Variants in XKR6 observed in about 807,000 individuals in gnomAD.
XKR6 encodes the protein XK related 6.
Under a neutral mutation model 56.7 loss-of-function variants are expected in XKR6, and 22 were observed. The ratio of observed to expected loss-of-function variants is 0.39; its 90% CI spans 0.28 to 0.55. The LOEUF is 0.55. Among genes scored for constraint, XKR6 ranks in the 20% least tolerant of loss-of-function variants. XKR6 has a pLI of 0.66. For synonymous variants in XKR6, 524 were observed against 387.8 expected (o/e 1.35, Z -4.13); for missense variants, 852 against 889.0 (o/e 0.96, Z 0.53).
chr8:11,140,610 C>G (rs1184698713), intron 1 of XKR6, among the ~76,000 whole-genome samples: 22 of 152,092 alleles, frequency 1.4e-4, no homozygotes. Context: ...CTTAAGAACC[C>G]TTCCTGGCCT....
rs145978976 is a variant in XKR6, at chr8:10,962,913, G to A, written c.765-38083C>T. Among the ~76,000 whole-genome samples the A allele has an allele frequency of 3.9e-3, 591 of 152,242 alleles. 3 individuals carry two copies. The highest frequency in any genetic ancestry group is 0.017 in the Middle Eastern group (5 of 292). On this transcript the variant is annotated intron_variant, in intron 1 of 2. Coordinates refer to ENST00000416569, the MANE Select transcript of XKR6 (RefSeq NM_173683.4). ...GCTGAGATTACAGGCATGAGCCATC[G>A]CACCTGGACTGGTTCATCTGTTTTT...
intron 1 of XKR6, among the ~76,000 whole-genome samples, chr8:10,964,654 G>A (rs1362909964): frequency 2.0e-5 from 3 of 152,112 alleles, no homozygotes; most frequent in Admixed American, 2.0e-4. Context: ...GCCTGTCCCC[G>A]CCGTTCCTGG....
chr8:11,143,239 A>C (rs191310438), intron 1 of XKR6, among the ~76,000 whole-genome samples: 2 of 152,230 alleles, frequency 1.3e-5, no homozygotes, highest in Admixed American at 6.5e-5. Flanking sequence ...CTGATAAAAA[A>C]CAAACACTAC....
rs148708357 is a variant in XKR6 at position 11,161,974 on chromosome 8, G to A, written c.764+38602C>T. 4.4e-3 allele frequency among the ~76,000 whole-genome samples: 672 copies of A among 152,156 alleles called. 4 individuals are homozygous for A. Among genetic ancestry groups the A allele is most frequent in the Admixed American group, 8.6e-3 (132 of 15,278 alleles). Reference sequence around the variant, plus strand: ...TGAGAAAGAAAAAGAAAAGAGGAAGGCCCACCAGAGGACCTTTTCTCATCT... The same window carrying A: ...TGAGAAAGAAAAAGAAAAGAGGAAGACCCACCAGAGGACCTTTTCTCATCT... On this transcript the variant is annotated intron_variant, in intron 1 of 2. Coordinates refer to ENST00000416569, the MANE Select transcript of XKR6 (RefSeq NM_173683.4).
chr8:10,976,372 G>C (rs554510922), intron 1 of XKR6, among the ~76,000 whole-genome samples: 1 of 152,120 alleles, frequency 6.6e-6, no homozygotes, highest in African/African-American at 2.4e-5. Context: ...TCAATGAAGG[G>C]AAAGCTGCCA....
chr8:11,047,438 T>C (rs1380112514), intron 1 of XKR6, among the ~76,000 whole-genome samples: 1 of 152,232 alleles, frequency 6.6e-6, no homozygotes, highest in Non-Finnish European at 1.5e-5. Flanking sequence ...TCCACTACTG[T>C]GTACATTTAC....
At chr8:11,142,403 G>A (rs943481716) in intron 1 of XKR6, among the ~76,000 whole-genome samples, 1 of 152,168 alleles carries the variant, frequency 6.6e-6, no homozygotes, top group Non-Finnish European at 1.5e-5. Flanking sequence ...TTGGCCAACT[G>A]ATACAGTTTG....
chr8:11,089,820 G>T (rs993288907), intron 1 of XKR6, among the ~76,000 whole-genome samples: 1 of 151,996 alleles, frequency 6.6e-6, no homozygotes, highest in Non-Finnish European at 1.5e-5. Flanking sequence ...CTTCCTGGAG[G>T]AGCCGCTATA....
chr8:11,146,224 G>C (rs972321997), intron 1 of XKR6, among the ~76,000 whole-genome samples: 2 of 152,196 alleles, frequency 1.3e-5, no homozygotes. Context: ...CACAGAACTA[G>C]ATATTAAACT....
chr8:10,995,960 T>A (rs182213250), intron 1 of XKR6, among the ~76,000 whole-genome samples: 2 of 152,306 alleles, frequency 1.3e-5, no homozygotes, highest in African/African-American at 4.8e-5. Context: ...GCAAGCCACC[T>A]CTTGTTGGGC....
intron 1 of XKR6, 54 bp from the exon 2 acceptor site, chr8:10,924,884 A>G: frequency 1.3e-6 from 2 of 1,547,876 alleles, no homozygotes; most frequent in Non-Finnish European, 1.8e-6. Flanking sequence ...CAGGGGCTCC[A>G]GAGGACCCTT....
intron 1 of XKR6, among the ~76,000 whole-genome samples, chr8:10,992,468 AC>A (rs1281523703): frequency 2.0e-5 from 3 of 152,142 alleles, no homozygotes; most frequent in African/African-American, 7.2e-5. Flanking sequence ...TCATCAGCTC[AC>A]TGGCACTGCT....
At chr8:10,943,142 G>C (rs1801434956) in intron 1 of XKR6, among the ~76,000 whole-genome samples, 2 of 152,206 alleles carry the variant, frequency 1.3e-5, no homozygotes, top group Non-Finnish European at 1.5e-5. Flanking sequence ...TGGGATCATA[G>C]CTCAGGAGCA....
intron 1 of XKR6, among the ~76,000 whole-genome samples, chr8:11,125,168 T>C (rs964404106): frequency 6.6e-6 from 1 of 151,232 alleles, no homozygotes; most frequent in African/African-American, 2.4e-5. Flanking sequence ...CGTGGGGCCA[T>C]GAGGGAGTGC....
intron 1 of XKR6, among the ~76,000 whole-genome samples, chr8:11,102,944 A>G (rs1380001486): frequency 2.0e-5 from 3 of 152,192 alleles, no homozygotes; most frequent in Non-Finnish European, 4.4e-5. Flanking sequence ...GACAGCCAGG[A>G]AGGTTGGAGG....
At chr8:11,046,852 G>C (rs12335200) in intron 1 of XKR6, among the ~76,000 whole-genome samples, 5,365 of 152,256 alleles carry the variant, frequency 0.035, 285 homozygotes, top group African/African-American at 0.12. Context: ...CAACAACATG[G>C]ATGAACCTGG....
intron 1 of XKR6, among the ~76,000 whole-genome samples, chr8:10,925,586 G>A (rs1013457588): frequency 6.6e-5 from 10 of 152,198 alleles, no homozygotes; most frequent in African/African-American, 2.4e-4. Context: ...GGAGGGCTGA[G>A]GGGCCAAGGA....
intron 1 of XKR6, among the ~76,000 whole-genome samples, chr8:11,010,136 G>C (rs565581660): frequency 6.6e-6 from 1 of 152,144 alleles, no homozygotes; most frequent in Non-Finnish European, 1.5e-5. Flanking sequence ...AAAGGAAGTA[G>C]TCATCTCTTA....
chr8:10,940,743 C>T (rs113178122), intron 1 of XKR6, among the ~76,000 whole-genome samples: 113 of 152,260 alleles, frequency 7.4e-4, no homozygotes, highest in African/African-American at 2.6e-3. Context: ...ACAACCTGTA[C>T]GCGACAACCA....
Sources: gnomAD v4.1 joint callset for allele counts (sites outside exome capture counted in the v4.1 genomes callset) on GRCh38, gnomAD v4.1.1 for gene constraint, MANE v1.5 for transcripts, NCBI Gene and HGNC (gene_info 2026-07-23, HGNC 2026-07-21) for gene names.